The following FHIT variants were observed in gnomAD, a reference collection of about 807,000 sequenced individuals.
FHIT encodes bis(5'-adenosyl)-triphosphatase.
A neutral mutation model predicts 17.9 loss-of-function variants in FHIT; 19 were observed. The observed-to-expected ratio is 1.06, with a 90% CI of 0.74 to 1.56. The LOEUF (loss-of-function observed/expected upper bound fraction) is 1.56, where lower values mean the gene tolerates loss of function less well. Ranked by LOEUF, FHIT falls within the 40% of genes most tolerant of loss-of-function variation. The pLI is 0.00. For synonymous variants in FHIT, 81 were observed against 69.7 expected (o/e 1.16, Z -0.81); for missense variants, 248 against 189.2 (o/e 1.31, Z -1.82).
At chr3:60,334,125 A>G (rs1006166766) in intron 5 of FHIT, among the ~76,000 whole-genome samples, 10 of 152,198 alleles carry the variant, frequency 6.6e-5, no homozygotes, top group African/African-American at 2.4e-4. Flanking sequence ...AAACAAATGG[A>G]AGGACCTAGA....
chr3:59,976,235 C>T (rs1179765367), intron 7 of FHIT, among the ~76,000 whole-genome samples: 1 of 151,986 alleles, frequency 6.6e-6, no homozygotes, highest in East Asian at 1.9e-4. Flanking sequence ...TGAGCAAATG[C>T]TTTAGATAAA....
At chr3:60,569,226 G>C (rs190115626) in intron 4 of FHIT, among the ~76,000 whole-genome samples, 12 of 152,196 alleles carry the variant, frequency 7.9e-5, no homozygotes, top group Admixed American at 7.2e-4. Flanking sequence ...CCAGGATGTA[G>C]AACAGTTGGT....
chr3:60,470,183 T>A lies in FHIT; in HGVS notation c.103+66677A>T, dbSNP rs530043799. The stretch of plus-strand genomic sequence containing the variant: ...AATGAAGCCAGCCTAACACTGGGTC[T>A]CACCCAAGGCCTACAACAATTACTG... On this transcript the variant is annotated intron_variant, in intron 5 of 9. Transcript: ENST00000492590. Among the ~76,000 whole-genome samples the A allele has an allele frequency of 5.3e-5, 8 of 152,104 alleles. 1 individual carries two copies. The South Asian group carries it at 1.5e-3, about 28-fold the overall frequency.
intron 3 of FHIT, among the ~76,000 whole-genome samples, chr3:61,025,497 T>C (rs1308847744): frequency 6.6e-6 from 1 of 152,050 alleles, no homozygotes; most frequent in African/African-American, 2.4e-5. Flanking sequence ...GATAAGCACA[T>C]TGAACATGAA....
At chr3:61,071,022 A>G (rs2034787769) in intron 2 of FHIT, among the ~76,000 whole-genome samples, 1 of 152,228 alleles carries the variant, frequency 6.6e-6, no homozygotes, top group Non-Finnish European at 1.5e-5. Flanking sequence ...GGGTAGAGAT[A>G]CAAAGTCAAA....
intron 2 of FHIT, among the ~76,000 whole-genome samples, chr3:61,174,945 A>C (rs1024399172): frequency 6.6e-6 from 1 of 152,228 alleles, no homozygotes; most frequent in Non-Finnish European, 1.5e-5. Context: ...GGTGAATGGC[A>C]TGCAATGATC....
intron 5 of FHIT, among the ~76,000 whole-genome samples, chr3:60,190,543 G>GT (rs1396784563): frequency 3.3e-5 from 5 of 151,920 alleles, no homozygotes; most frequent in Non-Finnish European, 7.4e-5. Context: ...GAGGTCAGGA[G>GT]TTTGAGACCA....
intron 4 of FHIT, among the ~76,000 whole-genome samples, chr3:60,773,333 A>G (rs1241052718): frequency 4.6e-5 from 7 of 152,202 alleles, no homozygotes; most frequent in African/African-American, 1.7e-4. Context: ...GTAGCTCTGT[A>G]CCCAATTAAG....
In FHIT at chr3:60,780,621, G is replaced by A. The variant is rs1012404903; in HGVS notation, c.-18+41298C>T. 5.3e-5 allele frequency among the ~76,000 whole-genome samples: 8 copies of A among 152,276 alleles called. No homozygotes were observed. The East Asian group carries it at 1.5e-3, about 29-fold the overall frequency. ...GCCTCTGACAATGGCCCTTTCTGCT[G>A]TGAACCCTTAGATGGGCCTCTGCCG... On this transcript the variant is annotated intron_variant, in intron 4 of 9. Transcript: ENST00000492590.
rs1027051406 is a variant in FHIT at position 60,050,736 on chromosome 3, G to A, written c.104-36584C>T. On this transcript the variant is annotated intron_variant, in intron 5 of 9. Coordinates refer to ENST00000492590, the MANE Select transcript of FHIT (RefSeq NM_002012.4). ...CTGGGTTATCTCATATTCTCAACTA[G>A]TTTATGAGCTCCTTACGGACAGAGA... Among the ~76,000 whole-genome samples the A allele has an allele frequency of 5.3e-5, 8 of 152,082 alleles. No individual in the cohort carries two copies. The South Asian group carries it at 1.0e-3, about 20-fold the overall frequency.
intron 5 of FHIT, among the ~76,000 whole-genome samples, chr3:60,072,648 G>A (rs1702828446): frequency 6.6e-6 from 1 of 151,912 alleles, no homozygotes; most frequent in African/African-American, 2.4e-5. Flanking sequence ...GACTTGCCCA[G>A]CATCACTGAG....
chr3:60,477,523 A>G (rs923439694), intron 5 of FHIT, among the ~76,000 whole-genome samples: 1 of 152,154 alleles, frequency 6.6e-6, no homozygotes, highest in East Asian at 1.9e-4. Flanking sequence ...ACACTATGTA[A>G]TAATTTCTAT....
At chr3:60,295,906 A>G (rs1010851458) in intron 5 of FHIT, among the ~76,000 whole-genome samples, 1 of 152,100 alleles carries the variant, frequency 6.6e-6, no homozygotes, top group African/African-American at 2.4e-5. Context: ...TGTAGCTCCC[A>G]TGATTCCCAC....
intron 8 of FHIT, among the ~76,000 whole-genome samples, chr3:59,903,408 T>C (rs1302687961): frequency 6.6e-6 from 1 of 152,208 alleles, no homozygotes; most frequent in Non-Finnish European, 1.5e-5. Flanking sequence ...GAATTGTACA[T>C]TTTAAATGGG....
intron 2 of FHIT, among the ~76,000 whole-genome samples, chr3:61,075,027 T>C (rs2106753958): frequency 6.6e-6 from 1 of 152,290 alleles, no homozygotes; most frequent in South Asian, 2.1e-4. Flanking sequence ...AAGAAAGCAC[T>C]GCACTTGTAA....
chr3:60,256,173 G>C lies in FHIT; in HGVS notation c.104-242021C>G, dbSNP rs566762288. 1.9e-4 allele frequency among the ~76,000 whole-genome samples: 29 copies of C among 152,148 alleles called. No homozygotes were observed. The East Asian group carries it at 4.6e-3, about 24-fold the overall frequency. ...GACTCTCCCTTAAATTCCCCATCGT[G>C]CCTATTCCCAATTTATGCCTCTTAA... On this transcript the variant is annotated intron_variant, in intron 5 of 9. Coordinates refer to ENST00000492590, the MANE Select transcript of FHIT (RefSeq NM_002012.4).
intron 4 of FHIT, among the ~76,000 whole-genome samples, chr3:60,793,010 C>G (rs1553729037): frequency 6.6e-6 from 1 of 152,050 alleles, no homozygotes; most frequent in Non-Finnish European, 1.5e-5. Context: ...TTTACTGAAA[C>G]TACTAAAGCA....
At chr3:60,350,193 G>A (rs1457866839) in intron 5 of FHIT, among the ~76,000 whole-genome samples, 1 of 152,146 alleles carries the variant, frequency 6.6e-6, no homozygotes, top group Non-Finnish European at 1.5e-5. Flanking sequence ...GGAACTGAGG[G>A]TCCTGGAGAC....
At chr3:60,170,480 A>T (rs1207597679) in intron 5 of FHIT, among the ~76,000 whole-genome samples, 1 of 152,198 alleles carries the variant, frequency 6.6e-6, no homozygotes, top group African/African-American at 2.4e-5. Flanking sequence ...AATGTGAAGA[A>T]ATCATTCTAA....
Sources: gnomAD v4.1 joint callset for allele counts (sites outside exome capture counted in the v4.1 genomes callset) on GRCh38, gnomAD v4.1.1 for gene constraint, MANE v1.5 for transcripts, NCBI Gene and HGNC (gene_info 2026-07-23, HGNC 2026-07-21) for gene names.